The following SLCO3A1 variants were observed in gnomAD, a reference collection of about 807,000 sequenced individuals.
The protein encoded by SLCO3A1 is PGE1 transporter.
In SLCO3A1, 27 loss-of-function variants were observed where a neutral mutation model predicts 63.1. The ratio of observed to expected loss-of-function variants is 0.43; its 90% confidence interval spans 0.32 to 0.59. The LOEUF (loss-of-function observed/expected upper bound fraction) is 0.59. Ranked by LOEUF, SLCO3A1 falls within the 20% of genes least tolerant of loss-of-function variation. The pLI is 0.09. For synonymous variants in SLCO3A1, 473 were observed against 409.9 expected, an observed-to-expected ratio of 1.15 and a Z score of -1.86; for missense variants, 773 against 945.8, an observed-to-expected ratio of 0.82 and a Z score of 2.40.
chr15:91,987,461 G>A (rs1235911311), intron 2 of SLCO3A1, among the ~76,000 whole-genome samples: 1 of 152,128 alleles, frequency 6.6e-6, no homozygotes, highest in Admixed American at 6.5e-5. Context: ...TAATAATAAA[G>A]TCAGGCACAG....
chr15:92,011,821 G>A (rs1178449978), intron 2 of SLCO3A1, among the ~76,000 whole-genome samples: 1 of 152,256 alleles, frequency 6.6e-6, no homozygotes, highest in Non-Finnish European at 1.5e-5. Flanking sequence ...TAACGGCAGT[G>A]GCTAGCAGCC....
chr15:92,004,580 A>T (rs1231926182), intron 2 of SLCO3A1, among the ~76,000 whole-genome samples: 3 of 152,134 alleles, frequency 2.0e-5, no homozygotes, highest in Non-Finnish European at 4.4e-5. Context: ...AACACCAAAA[A>T]CCAAAGATAC....
chr15:91,895,343 T>C (rs1897977184), intron 1 of SLCO3A1, among the ~76,000 whole-genome samples: 1 of 152,208 alleles, frequency 6.6e-6, no homozygotes, highest in African/African-American at 2.4e-5. Flanking sequence ...TGTGGGTTCA[T>C]TTCTTCATGA....
intron 4 of SLCO3A1, among the ~76,000 whole-genome samples, chr15:92,106,447 T>C (rs1450353567): frequency 2.6e-5 from 4 of 152,008 alleles, no homozygotes; most frequent in African/African-American, 4.8e-5. Context: ...ACTCCCCTAA[T>C]AGCCATCCAT....
intron 2 of SLCO3A1, among the ~76,000 whole-genome samples, chr15:92,091,778 G>A (rs539985208): frequency 4.6e-5 from 7 of 152,314 alleles, no homozygotes; most frequent in Admixed American, 4.6e-4. Context: ...ACCAAAATAC[G>A]TGTGCACAAT....
At chr15:92,036,238 A>G (rs1455551100) in intron 2 of SLCO3A1, among the ~76,000 whole-genome samples, 1 of 152,206 alleles carries the variant, frequency 6.6e-6, no homozygotes, top group Non-Finnish European at 1.5e-5. Context: ...TTTAAAGCCA[A>G]TCTGAGAATT....
At chr15:92,044,509 C>A (rs1423689645) in intron 2 of SLCO3A1, among the ~76,000 whole-genome samples, 1 of 152,088 alleles carries the variant, frequency 6.6e-6, no homozygotes, top group Non-Finnish European at 1.5e-5. Context: ...CCCTTCATAC[C>A]CAAGTGGACA....
intron 1 of SLCO3A1, among the ~76,000 whole-genome samples, chr15:91,887,606 G>A (rs759086403): frequency 5.3e-5 from 8 of 152,160 alleles, no homozygotes; most frequent in Admixed American, 1.3e-4. Flanking sequence ...GGCCTGCCCC[G>A]CAGAGGTGAT....
In SLCO3A1 at chr15:91,945,345, A is replaced by AG. The variant is rs1299379602; in HGVS notation, c.646+28887_646+28888insG. Reference sequence around the variant, plus strand: ...AGACAGAGTGAGACTCCATCTCAAAAAAAAAAAAAAAATTACGTGGCTGGC... The same window carrying AG: ...AGACAGAGTGAGACTCCATCTCAAAAGAAAAAAAAAAAATTACGTGGCTGGC... On this transcript the variant is annotated intron_variant, in intron 2 of 9. Transcript: ENST00000318445. Among the ~76,000 whole-genome samples, 3 of 151,640 alleles carry AG rather than the reference A, an allele frequency of 2.0e-5. No homozygotes were observed. The East Asian group carries it at 5.8e-4, about 29-fold the overall frequency.
In SLCO3A1 at chr15:92,120,038, T is replaced by C. The variant is rs146382331; in HGVS notation, c.1010-427T>C. Reference sequence around the variant, plus strand: ...ATCCATCAATAGGTATATTGACATATACTTAAATATATTGATATTTATACT... The same window carrying C: ...ATCCATCAATAGGTATATTGACATACACTTAAATATATTGATATTTATACT... On this transcript the variant is annotated intron_variant, in intron 4 of 9. Transcript: ENST00000318445. 3.6e-3 allele frequency among the ~76,000 whole-genome samples: 545 copies of C among 152,226 alleles called. 4 individuals carry two copies. The highest frequency in any genetic ancestry group is 0.012 in the African/African-American group (510 of 41,504).
chr15:91,897,941 G>C lies in SLCO3A1; in HGVS notation c.181-18052G>C, dbSNP rs1371899206. On this transcript the variant is annotated intron_variant, in intron 1 of 9. Coordinates refer to ENST00000318445, the MANE Select transcript of SLCO3A1 (RefSeq NM_013272.4). This position sits in a 1 kb window ranked among gnomAD's most constrained non-coding sequence, Gnocchi z 4.7. ...GGAATCGCTGCTCTACACACACGGG[G>C]TTTTTAAATTAGAAAGATATCATGA... Among the ~76,000 whole-genome samples the C allele has an allele frequency of 6.6e-6, 1 of 152,222 alleles. No individual in the cohort carries two copies. The highest frequency in any genetic ancestry group is 2.4e-5 in the African/African-American group (1 of 41,448).
intron 4 of SLCO3A1, among the ~76,000 whole-genome samples, chr15:92,117,679 C>A (rs1176715927): frequency 2.0e-5 from 3 of 152,192 alleles, no homozygotes; most frequent in African/African-American, 7.2e-5. Flanking sequence ...GCATGGCCGA[C>A]AGGTCTCCTG....
Position 91,882,576 on chromosome 15 carries a change from A to G in SLCO3A1, c.180+28488A>G, listed in dbSNP as rs1201362525. Among the ~76,000 whole-genome samples, 2 of 149,260 alleles carry G rather than the reference A, an allele frequency of 1.3e-5. No individual in the cohort carries two copies. Among genetic ancestry groups the G allele is most frequent in the Non-Finnish European group, 3.0e-5 (2 of 67,584 alleles). On this transcript the variant is annotated intron_variant, in intron 1 of 9. Coordinates refer to ENST00000318445, the MANE Select transcript of SLCO3A1 (RefSeq NM_013272.4). This position sits in a 1 kb window ranked among gnomAD's most constrained non-coding sequence, Gnocchi z 4.4. The stretch of plus-strand genomic sequence containing the variant: ...GTCGCCCAGGCCCGAGTGCAGTGGC[A>G]TGATCTCAGCTCACTGCAACCTCCG...
At position 91,853,864 on chromosome 15, in the gene SLCO3A1, C is replaced by T; in HGVS notation, c.-45C>T. On this transcript the variant is annotated 5_prime_UTR_variant, in exon 1 of 10. Transcript: ENST00000318445. ...CAGCGGCCCCGACACCCGGGGCGAGCGGGAAAGCGGCAGCGGCGGCGGCGG... is the reference window on the plus strand; with the variant it reads ...CAGCGGCCCCGACACCCGGGGCGAGTGGGAAAGCGGCAGCGGCGGCGGCGG... The T allele has an allele frequency of 8.1e-6, 10 of 1,238,990 alleles. No individual in the cohort carries two copies. The highest frequency in any genetic ancestry group is 1.0e-5 in the Non-Finnish European group (10 of 997,376). 76.7% of individuals were successfully genotyped at this position (1,238,990 alleles called of 1,614,324 possible).
In SLCO3A1 at chr15:91,958,561, G is replaced by A. The variant is rs545761768; in HGVS notation, c.646+42103G>A. 7.2e-5 allele frequency among the ~76,000 whole-genome samples: 11 copies of A among 152,312 alleles called. No individual in the cohort carries two copies. The East Asian group carries it at 2.1e-3, about 29-fold the overall frequency. ...TGCCTCACCTTGAGGGCTGTTGGAG[G>A]AATGGAGGTTTGGGTGCTCAGTATT... On this transcript the variant is annotated intron_variant, in intron 2 of 9. Coordinates refer to ENST00000318445, the MANE Select transcript of SLCO3A1 (RefSeq NM_013272.4).
Position 92,094,883 on chromosome 15 carries a change from A to G in SLCO3A1, c.649A>G (p.Ile217Val), listed in dbSNP as rs764263237. Residue 217 changes from isoleucine to valine, a missense_variant and splice_region_variant, in exon 3 of 10, where the codon ATC becomes GTC. Ile to Val is a conservative substitution (Grantham distance 29). Around this residue, in one of 3 missense-constraint regions of SLCO3A1, gnomAD observed 565 missense variants for 749.8 expected, o/e 0.75. Transcript: ENST00000318445. The stretch of plus-strand genomic sequence containing the variant: ...TTTTTTTCTTCATCTTCCTTCAGGA[A>G]TCCTGTTCACGATGCTGGTATTTGG... ...RRKDSSLYIG[I>V]LFTMLVFGPA... The G allele has an allele frequency of 5.0e-6, 8 of 1,610,398 alleles. No homozygotes were observed. Among genetic ancestry groups the G allele is most frequent in the Non-Finnish European group, 5.9e-6 (7 of 1,176,892 alleles).
chr15:91,975,284 G>T (rs1417299540), intron 2 of SLCO3A1, among the ~76,000 whole-genome samples: 2 of 152,020 alleles, frequency 1.3e-5, no homozygotes, highest in African/African-American at 2.4e-5. Context: ...TGAATCCTTT[G>T]CCTGGAGCTG....
chr15:91,984,112 C>T (rs112133443), intron 2 of SLCO3A1, among the ~76,000 whole-genome samples: 5 of 152,154 alleles, frequency 3.3e-5, no homozygotes, highest in African/African-American at 1.2e-4. Context: ...GTCGGTTATT[C>T]CCACTGAGGA....
At chr15:92,042,442 T>C (rs2046811385) in intron 2 of SLCO3A1, among the ~76,000 whole-genome samples, 1 of 152,162 alleles carries the variant, frequency 6.6e-6, no homozygotes, top group African/African-American at 2.4e-5. Context: ...CCAATTGATG[T>C]AGGAACGAGG....
Sources: gnomAD v4.1 joint callset for allele counts (sites outside exome capture counted in the v4.1 genomes callset) on GRCh38, gnomAD v4.1.1 for gene constraint, gnomAD v4.1.1 regional missense constraint, Gnocchi (gnomAD v3.1) non-coding constraint, MANE v1.5 for transcripts, NCBI Gene and HGNC (gene_info 2026-07-23, HGNC 2026-07-21) for gene names.